ALG12: variants seen among roughly 807,000 people sequenced by gnomAD.
ALG12 encodes the protein dol-P-Man:Man(7)GlcNAc(2)-PP-Dol alpha-1,6-mannosyltransferase.
In ALG12, 36 loss-of-function variants were observed where a neutral mutation model predicts 46.0. The ratio of observed to expected loss-of-function variants is 0.78; its 90% CI spans 0.60 to 1.03. The LOEUF (loss-of-function observed/expected upper bound fraction) is 1.03. ALG12 is among the 50% of genes least tolerant of loss of function. The pLI, the probability that ALG12 is intolerant of heterozygous loss-of-function variation, is 0.00. For synonymous variants in ALG12, 326 were observed against 291.6 expected (o/e 1.12, Z -1.20); for missense variants, 599 against 633.5 (o/e 0.95, Z 0.58).
the ALG12 span, among the ~76,000 whole-genome samples, chr22:49,866,871 G>A: frequency 6.6e-6 from 1 of 152,194 alleles, no homozygotes; most frequent in Non-Finnish European, 1.5e-5. Context: ...AGATGCTGGC[G>A]GCTCTTGAAC....
chr22:49,904,673 T>A (rs911732021), intron 7 of ALG12, 167 bp from the exon 8 acceptor site: 37 of 736,508 alleles, frequency 5.0e-5, no homozygotes, highest in Admixed American at 1.4e-4. Context: ...GTGGTTAAGA[T>A]ACTGCCTCAA....
chr22:49,892,206 A>C, the ALG12 span, among the ~76,000 whole-genome samples: 1 of 151,856 alleles, frequency 6.6e-6, no homozygotes, highest in Non-Finnish European at 1.5e-5. Context: ...AAAAAAAAAA[A>C]AAAAAACTTT....
At chr22:49,899,243 G>A (rs550534576), downstream of ALG12, among the ~76,000 whole-genome samples, 100 of 152,202 alleles carry the variant, frequency 6.6e-4, no homozygotes, top group African/African-American at 2.3e-3. Context: ...GTGGGAGGCC[G>A]AGGCGAGTGG....
At chr22:49,898,973 A>G (rs1315000181), downstream of ALG12, among the ~76,000 whole-genome samples, 1 of 152,022 alleles carries the variant, frequency 6.6e-6, no homozygotes, top group Non-Finnish European at 1.5e-5. Context: ...AAAAAAATTG[A>G]TCCGTACCTC....
At chr22:49,874,388 AT>A in the ALG12 span, among the ~76,000 whole-genome samples, 2,992 of 142,922 alleles carry the variant, frequency 0.021, 28 homozygotes, top group African/African-American at 0.035. Context: ...TATTGTTTTA[AT>A]TTTTTTTTTT....
chr22:49,906,543 C>G lies in ALG12; in HGVS notation c.992+1178G>C, dbSNP rs2060542933. On this transcript the variant is annotated intron_variant, in intron 7 of 9. Transcript: ENST00000330817. This position sits in a 1 kb window ranked among gnomAD's most constrained non-coding sequence, Gnocchi z 4.4. ...CGAGGGCAGTGCGGGGCAGTCGGAG[C>G]TGGGGGGCACCATCCCCTCCCCTGT... Among the ~76,000 whole-genome samples, 1 of 152,190 alleles carries G rather than the reference C, an allele frequency of 6.6e-6. No homozygotes were observed. Among genetic ancestry groups the G allele is most frequent in the Non-Finnish European group, 1.5e-5 (1 of 68,024 alleles).
In ALG12 at chr22:49,901,212, C is replaced by G. The variant is rs2060503130; in HGVS notation, c.*2626G>C. The G allele has an allele frequency of 6.6e-6, 1 of 152,300 alleles. No individual in the cohort carries two copies. Among genetic ancestry groups the G allele is most frequent in the Admixed American group, 6.5e-5 (1 of 15,282 alleles). 9.4% of individuals were successfully genotyped at this position (152,300 alleles called of 1,614,324 possible). A position where few individuals can be genotyped will look rare whatever the true frequency, so the allele number is the denominator to read the frequency against. ...GTGGATAACCAGTGAATACCTGAGACACACAGGTGGATGGATGGGGGAGGG... is the reference window on the plus strand; with the variant it reads ...GTGGATAACCAGTGAATACCTGAGAGACACAGGTGGATGGATGGGGGAGGG... On this transcript the variant is annotated 3_prime_UTR_variant, in exon 10 of 10. Transcript: ENST00000330817.
At position 49,905,704 on chromosome 22, in the gene ALG12, C is replaced by A. The variant is rs2060538547; in HGVS notation, c.993-1198G>T. Among the ~76,000 whole-genome samples the A allele has an allele frequency of 6.6e-6, 1 of 152,252 alleles. No individual in the cohort carries two copies. The highest frequency in any genetic ancestry group is 1.5e-5 in the Non-Finnish European group (1 of 68,044). ...ACCAGTACCACGCTTCCCGTACAGC[C>A]TGCGGAACCGCGAGCCAATGAAGCC... On this transcript the variant is annotated intron_variant, in intron 7 of 9. Transcript: ENST00000330817. The surrounding 1 kb of genome is among the most constrained non-coding windows in gnomAD (Gnocchi z 4.9).
chr22:49,899,431 T>TCC (rs2060495245), downstream of ALG12, among the ~76,000 whole-genome samples: 1 of 149,494 alleles, frequency 6.7e-6, no homozygotes, highest in Non-Finnish European at 1.5e-5. Flanking sequence ...TGAGCCGAGA[T>TCC]CGCACCACTG....
rs1313587448 is a variant in ALG12 at position 49,906,315 on chromosome 22, G to T, written c.992+1406C>A. Reference sequence around the variant, plus strand: ...ACCCTCTTTTCCATGACTCTGGCTGGGGTCTGCTCCTCCTCCAGCCCTGAG... The same window carrying T: ...ACCCTCTTTTCCATGACTCTGGCTGTGGTCTGCTCCTCCTCCAGCCCTGAG... On this transcript the variant is annotated intron_variant, in intron 7 of 9. Transcript: ENST00000330817. This position sits in a 1 kb window ranked among gnomAD's most constrained non-coding sequence, Gnocchi z 4.4. 1.3e-5 allele frequency among the ~76,000 whole-genome samples: 2 copies of T among 152,158 alleles called. No homozygotes were observed. The highest frequency in any genetic ancestry group is 3.8e-4 in the East Asian group (2 of 5,208).
In ALG12 at chr22:49,903,250, CTTT is replaced by C. The variant is rs1283098783; in HGVS notation, c.*585_*587del. On this transcript the variant is annotated 3_prime_UTR_variant, in exon 10 of 10. Coordinates refer to ENST00000330817, the MANE Select transcript of ALG12 (RefSeq NM_024105.4). Reference sequence around the variant, plus strand: ...TCCAATCAACATTTATTGCCTTATTCTTTTTATCTCATTCCTTTTTGAATGTGT... The same window carrying C: ...TCCAATCAACATTTATTGCCTTATTCTTATCTCATTCCTTTTTGAATGTGT... 9.1e-6 allele frequency: 4 copies of C among 439,626 alleles called. No individual in the cohort carries two copies. The highest frequency in any genetic ancestry group is 2.6e-5 in the Admixed American group (1 of 38,618). 27.2% of individuals were successfully genotyped at this position (439,626 alleles called of 1,614,324 possible). A position where few individuals can be genotyped will look rare whatever the true frequency, so the allele number is the denominator to read the frequency against.
chr22:49,915,189 T>C (rs545544112), intron 1 of ALG12, among the ~76,000 whole-genome samples: 3 of 152,330 alleles, frequency 2.0e-5, no homozygotes, highest in African/African-American at 7.2e-5. Context: ...ACTGAAATGG[T>C]ATGCAGTTCT....
chr22:49,884,863 T>C, the ALG12 span: 3 of 1,608,992 alleles, frequency 1.9e-6, no homozygotes, highest in South Asian at 2.2e-5. Flanking sequence ...GCAGTCTCAC[T>C]TGAACCCTGG....
In ALG12 at chr22:49,904,049, T is replaced by C; in HGVS notation, c.1256A>G (p.Asp419Gly). ...CAGCATGCCTGTCCCCGGCTGCACA[T>C]CCTCCCTCTTGTCGTACCTGTGGGA... ...NSAWRYDKRE[D>G]VQPGTGMLAY... The change falls in exon 10 of 10, where the codon GAT (aspartate) becomes GGT (glycine). Residue 419 changes from aspartate (D) to glycine (G), a missense_variant. By Grantham distance (94) the Asp-to-Gly change is moderately conservative. Transcript: ENST00000330817. 1 of 1,614,154 alleles carries C rather than the reference T, an allele frequency of 6.2e-7. No individual in the cohort carries two copies. The highest frequency in any genetic ancestry group is 8.5e-7 in the Non-Finnish European group (1 of 1,179,996).
the ALG12 span, chr22:49,885,981 G>C: frequency 1.4e-6 from 1 of 700,480 alleles, no homozygotes; most frequent in Admixed American, 2.3e-5. Flanking sequence ...TGGACGTGTC[G>C]CAGGTGGACT....
chr22:49,914,094 C>G (rs1342024109), intron 1 of ALG12, among the ~76,000 whole-genome samples: 1 of 152,236 alleles, frequency 6.6e-6, no homozygotes, highest in Non-Finnish European at 1.5e-5. Context: ...AGTCGCAGAA[C>G]CCTGAGTCTG....
At chr22:49,861,229 C>G in the ALG12 span, among the ~76,000 whole-genome samples, 3 of 151,892 alleles carry the variant, frequency 2.0e-5, no homozygotes, top group African/African-American at 4.8e-5. Context: ...GATGGAGTCT[C>G]GCTCTGGATT....
chr22:49,900,585 C>T lies in ALG12; in HGVS notation c.*3253G>A, dbSNP rs886565942. The T allele has an allele frequency of 6.6e-5, 10 of 152,216 alleles. No homozygotes were observed. Among genetic ancestry groups the T allele is most frequent in the African/African-American group, 1.9e-4 (8 of 41,434 alleles). The allele number at this position is 152,216 out of a possible 1,614,324, so 9.4% of individuals were successfully genotyped here. On this transcript the variant is annotated 3_prime_UTR_variant, in exon 10 of 10. Transcript: ENST00000330817. Reference sequence around the variant, plus strand: ...GCAGGGAGTGAACTGCACACAATCCCGACCTCTTCATGGTGGGTTTGTTTT... The same window carrying T: ...GCAGGGAGTGAACTGCACACAATCCTGACCTCTTCATGGTGGGTTTGTTTT...
intron 1 of ALG12, among the ~76,000 whole-genome samples, chr22:49,916,975 G>A (rs542269954): frequency 1.8e-4 from 27 of 152,288 alleles, no homozygotes; most frequent in African/African-American, 5.3e-4. Flanking sequence ...CACTCCTGGC[G>A]GGCCCCCAGC....
Sources: gnomAD v4.1 joint callset for allele counts (sites outside exome capture counted in the v4.1 genomes callset) on GRCh38, gnomAD v4.1.1 for gene constraint, Gnocchi (gnomAD v3.1) non-coding constraint, MANE v1.5 for transcripts, NCBI Gene and HGNC (gene_info 2026-07-23, HGNC 2026-07-21) for gene names.